MIA3: variants seen among roughly 807,000 people sequenced by gnomAD.
The protein encoded by MIA3 is transport and Golgi organization protein 1 homolog.
In MIA3, 90 loss-of-function variants were observed where a neutral mutation model predicts 192.4. The ratio of observed to expected loss-of-function variants is 0.47; its 90% confidence interval spans 0.39 to 0.56. The LOEUF (loss-of-function observed/expected upper bound fraction) is 0.56. Ranked by LOEUF, MIA3 falls within the 20% of genes least tolerant of loss-of-function variation. The pLI, the probability that MIA3 is intolerant of heterozygous loss-of-function variation, is 0.00. For synonymous variants in MIA3, 740 were observed against 792.8 expected (o/e 0.93, Z 1.12); for missense variants, 2,123 against 2,269.4 (o/e 0.94, Z 1.31).
At position 222,628,966 on chromosome 1, in the gene MIA3, C is replaced by T. The variant is rs369196405; in HGVS notation, c.1746C>T (p.Leu582=). Residue 582 remains leucine, a synonymous_variant, in exon 4 of 28, where the codon CTC becomes CTT. Transcript: ENST00000344922. ...AGGAATCCCTGGGTAGTGCACCACT[C>T]ATGGGAGATGACCACCCTAACGCAT... ...IQQESLGSAP[L]MGDDHPNASR... 29 of 1,614,042 alleles carry T rather than the reference C, an allele frequency of 1.8e-5. No individual in the cohort carries two copies. The highest frequency in any genetic ancestry group is 1.6e-4 in the Middle Eastern group (1 of 6,084).
chr1:222,644,420 G>T (rs1663026477), intron 6 of MIA3: 2 of 1,545,492 alleles, frequency 1.3e-6, no homozygotes, highest in South Asian at 1.2e-5. Context: ...CTGAAAAACA[G>T]GGGGCCCAGT....
At chr1:222,654,018 T>C (rs1017893965) in intron 15 of MIA3, among the ~76,000 whole-genome samples, 9 of 152,258 alleles carry the variant, frequency 5.9e-5, no homozygotes, top group African/African-American at 2.2e-4. Context: ...ATGTTTCTTC[T>C]TGCTCAATAA....
At position 222,650,396 on chromosome 1, in the gene MIA3, GTTTT is replaced by G; in HGVS notation, c.3720+27_3720+30del. On this transcript the variant is annotated intron_variant, in intron 9 of 27. Coordinates refer to ENST00000344922, the MANE Select transcript of MIA3 (RefSeq NM_198551.4). ...TGAACAGAAGGTATGATTATTCTTT[GTTTT>G]TTTTTTTTTTCATGGTCCCAGCTTG... The G allele has an allele frequency of 8.3e-7, 1 of 1,203,982 alleles. No homozygotes were observed. The highest frequency in any genetic ancestry group is 2.3e-5 in the Admixed American group (1 of 44,140). The allele number at this position is 1,203,982 out of a possible 1,614,324, so 74.6% of individuals were successfully genotyped here.
rs781695930 is a variant in MIA3, at chr1:222,665,503, T to C, written c.5608T>C (p.Tyr1870His). 2 of 1,614,054 alleles carry C rather than the reference T, an allele frequency of 1.2e-6. No individual in the cohort carries two copies. Among genetic ancestry groups the C allele is most frequent in the Admixed American group, 1.7e-5 (1 of 60,012 alleles). Residue 1870 changes from tyrosine to histidine, a missense_variant, in exon 28 of 28, where the codon TAC becomes CAC. By Grantham distance (83) the Tyr-to-His change is moderately conservative (BLOSUM62 2). This residue lies in a region of MIA3 where 762 missense variants were observed against 856.4 expected (regional missense o/e 0.89). Coordinates refer to ENST00000344922, the MANE Select transcript of MIA3 (RefSeq NM_198551.4). ...LPPPTHGPQE[Y>H]PPPPAVRDLL... Reference sequence around the variant, plus strand: ...ACCCCCAACCCATGGTCCCCAGGAATACCCACCACCACCTGCTGTAAGAGA... The same window carrying C: ...ACCCCCAACCCATGGTCCCCAGGAACACCCACCACCACCTGCTGTAAGAGA...
At position 222,628,853 on chromosome 1, in the gene MIA3, C is replaced by G. The variant is rs748507672; in HGVS notation, c.1633C>G (p.Pro545Ala). The G allele has an allele frequency of 1.2e-6, 2 of 1,614,058 alleles. No individual in the cohort carries two copies. Among genetic ancestry groups the G allele is most frequent in the East Asian group, 4.5e-5 (2 of 44,884 alleles). ...AAAAGGAATGCTCCACGAAGAAAAG[C>G]CTGGAGAGCAGATTTTGGAAGGTGG... Reference protein sequence around the residue: ...ISKGMLHEEKPGEQILEGGSE... With the variant: ...ISKGMLHEEKAGEQILEGGSE... The change falls in exon 4 of 28, where the codon CCT (proline) becomes GCT (alanine). Residue 545 changes from proline (P) to alanine (A), a missense_variant. Pro to Ala is a conservative substitution (Grantham distance 27, BLOSUM62 -1). Around this residue, in one of 3 missense-constraint regions of MIA3, gnomAD observed 1,357 missense variants for 1,396.1 expected, o/e 0.97. Coordinates refer to ENST00000344922, the MANE Select transcript of MIA3 (RefSeq NM_198551.4).
At chr1:222,626,017 G>A (rs1288916137) in intron 3 of MIA3, among the ~76,000 whole-genome samples, 1 of 152,134 alleles carries the variant, frequency 6.6e-6, no homozygotes, top group Non-Finnish European at 1.5e-5. Context: ...AGGATTACAG[G>A]CTGCCTTTCA....
intron 1 of MIA3, among the ~76,000 whole-genome samples, chr1:222,619,511 T>C (rs1661764147): frequency 6.6e-6 from 1 of 152,242 alleles, no homozygotes; most frequent in African/African-American, 2.4e-5. Context: ...TTCCTAGAGA[T>C]AACCCTGTGG....
chr1:222,628,715 G>C lies in MIA3; in HGVS notation c.1495G>C (p.Val499Leu), dbSNP rs1288798515. The C allele has an allele frequency of 2.5e-6, 4 of 1,614,146 alleles. No homozygotes were observed. The highest frequency in any genetic ancestry group is 1.3e-5 in the African/African-American group (1 of 75,062). ...AGAAGGCATGACTGTGCACAGTTCT[G>C]TTCACAGCAATAACCTCAACTCTAT... Reference protein sequence around the residue: ...NQEGMTVHSSVHSNNLNSMPA... With the variant: ...NQEGMTVHSSLHSNNLNSMPA... The change falls in exon 4 of 28, where the codon GTT (valine) becomes CTT (leucine). Residue 499 changes from valine to leucine, a missense_variant. Coordinates refer to ENST00000344922, the MANE Select transcript of MIA3 (RefSeq NM_198551.4).
intron 3 of MIA3, among the ~76,000 whole-genome samples, chr1:222,626,618 C>A (rs1662132316): frequency 6.6e-6 from 1 of 152,192 alleles, no homozygotes; most frequent in East Asian, 1.9e-4. Flanking sequence ...GTCCTGAAAG[C>A]AGATCTTAGT....
rs775878120 is a variant in MIA3 at position 222,627,704 on chromosome 1, T to G, written c.484T>G (p.Leu162Val). The G allele has an allele frequency of 5.3e-5, 86 of 1,613,620 alleles. No individual in the cohort carries two copies. The highest frequency in any genetic ancestry group is 7.1e-5 in the Non-Finnish European group (84 of 1,179,978). The change falls in exon 4 of 28, where the codon TTA becomes GTA. Residue 162 changes from leucine to valine, a missense_variant. Transcript: ENST00000344922. ...TDSEKAVEKT[L>V]QDMEKNPELS... ...TTCTGAGAAAGCTGTAGAAAAAACT[T>G]TACAGGATATGGAAAAAAACCCTGA... is the stretch of plus-strand genomic sequence containing the variant.
At chr1:222,656,374 C>T (rs1324204651) in intron 18 of MIA3, among the ~76,000 whole-genome samples, 4 of 152,110 alleles carry the variant, frequency 2.6e-5, no homozygotes, top group African/African-American at 9.7e-5. Flanking sequence ...TCTGGAATTT[C>T]GATAGTTGTT....
At chr1:222,636,747 C>T (rs1423149339) in intron 6 of MIA3, among the ~76,000 whole-genome samples, 6 of 152,064 alleles carry the variant, frequency 3.9e-5, no homozygotes, top group African/African-American at 7.2e-5. Flanking sequence ...CTCCTGACCT[C>T]GTGATCCACC....
In MIA3 at chr1:222,645,202, G is replaced by A. The variant is rs73124835; in HGVS notation, c.3478-352G>A. 3.8e-3 allele frequency among the ~76,000 whole-genome samples: 580 copies of A among 152,278 alleles called. 3 individuals carry two copies. Among genetic ancestry groups the A allele is most frequent in the African/African-American group, 0.013 (546 of 41,548 alleles). ...GTATATAAAAGGTTTTTTGTCTTAT[G>A]TGGTTTTTTAAGCAATAAAAACCAA... On this transcript the variant is annotated intron_variant, in intron 6 of 27. Transcript: ENST00000344922.
At chr1:222,635,610 A>G (rs1662590269) in intron 6 of MIA3, among the ~76,000 whole-genome samples, 1 of 152,208 alleles carries the variant, frequency 6.6e-6, no homozygotes, top group African/African-American at 2.4e-5. Flanking sequence ...AATATAGGAA[A>G]TAGTTTATGC....
chr1:222,628,521 A>G lies in MIA3; in HGVS notation c.1301A>G (p.Tyr434Cys), dbSNP rs376336530. Residue 434 changes from tyrosine (Y) to cysteine (C), a missense_variant, in exon 4 of 28, where the codon TAT becomes TGT. Tyr to Cys is a radical substitution (Grantham distance 194, BLOSUM62 -2). Transcript: ENST00000344922. ...KQGKPQSATD[Y>C]SDPDNVDDGL... ...GGGAAACCACAGTCAGCAACAGATT[A>G]TAGTGACCCTGACAATGTAGATGAT... The G allele has an allele frequency of 1.3e-4, 214 of 1,614,020 alleles. No individual in the cohort carries two copies. Among genetic ancestry groups the G allele is most frequent in the Non-Finnish European group, 1.7e-4 (203 of 1,180,020 alleles).
intron 6 of MIA3, among the ~76,000 whole-genome samples, chr1:222,634,041 G>T (rs1662524437): frequency 1.3e-5 from 2 of 152,016 alleles, no homozygotes; most frequent in South Asian, 4.2e-4. Flanking sequence ...GGGGTTTTGT[G>T]ATGTTGCCCA....
chr1:222,627,365 A>G (rs1558173186), intron 3 of MIA3, among the ~76,000 whole-genome samples: 1 of 152,188 alleles, frequency 6.6e-6, no homozygotes, highest in Non-Finnish European at 1.5e-5. Context: ...AGAGAGAATG[A>G]AGGGAAGCCA....
At chr1:222,663,943 G>A (rs1440089019) in intron 26 of MIA3, 55 bp from the exon 27 acceptor site, 1 of 1,511,614 alleles carries the variant, frequency 6.6e-7, no homozygotes, top group African/African-American at 1.4e-5. Context: ...TGGTGTTGGT[G>A]CTTTTGTCTG....
In MIA3 at chr1:222,644,987, G is replaced by C. The variant is rs184708852; in HGVS notation, c.3478-567G>C. 3.5e-4 allele frequency among the ~76,000 whole-genome samples: 53 copies of C among 152,244 alleles called. 1 individual carries two copies. The highest frequency in any genetic ancestry group is 1.3e-3 in the African/African-American group (53 of 41,518). ...TGCACTGTTTTCAAGGAAACATTTA[G>C]AATTAAGGCACTAAATTCAAAGCGG... On this transcript the variant is annotated intron_variant, in intron 6 of 27. Transcript: ENST00000344922.
Sources: gnomAD v4.1 joint callset for allele counts (sites outside exome capture counted in the v4.1 genomes callset) on GRCh38, gnomAD v4.1.1 for gene constraint, gnomAD v4.1.1 regional missense constraint, MANE v1.5 for transcripts, NCBI Gene and HGNC (gene_info 2026-07-23, HGNC 2026-07-21) for gene names.